The following UTP18 variants were observed in gnomAD, a reference collection of about 807,000 sequenced individuals.
UTP18 encodes the protein UTP18 small subunit processome component, also known as U3 small nucleolar RNA-associated protein 18 homolog.
Under a neutral mutation model 61.1 loss-of-function variants are expected in UTP18, and 36 were observed. The observed-to-expected ratio is 0.59, with a 90% CI of 0.45 to 0.78. The LOEUF (loss-of-function observed/expected upper bound fraction) is 0.78, where lower values mean the gene tolerates loss of function less well. UTP18 is among the 30% of genes least tolerant of loss of function. The probability of loss-of-function intolerance (pLI) is 0.00; values close to 1 mark genes in which losing one functional copy is unlikely to be tolerated. For missense variants in UTP18, 753 were observed against 693.9 expected (o/e 1.09, Z -0.96); for synonymous variants, 282 against 251.1 (o/e 1.12, Z -1.16).
chr17:51,265,342 C>T (rs2055549663), intron 2 of UTP18, among the ~76,000 whole-genome samples: 1 of 151,194 alleles, frequency 6.6e-6, no homozygotes, highest in African/African-American at 2.4e-5. Context: ...TGGCTCACTG[C>T]AGCTTCTGCT....
intron 4 of UTP18, 57 bp downstream of exon 4, chr17:51,268,961 T>C: frequency 1.7e-5 from 26 of 1,537,238 alleles, no homozygotes; most frequent in South Asian, 4.5e-5. Flanking sequence ...CTGTTCGTTA[T>C]TATTTGAGCT....
chr17:51,267,294 G>T (rs535608153), intron 3 of UTP18, among the ~76,000 whole-genome samples: 25 of 152,216 alleles, frequency 1.6e-4, no homozygotes, highest in African/African-American at 4.8e-4. Context: ...CAGACCTGTT[G>T]TCTTGTAGAA....
At chr17:51,294,598 A>G (rs1261261026) in intron 12 of UTP18, among the ~76,000 whole-genome samples, 1 of 152,040 alleles carries the variant, frequency 6.6e-6, no homozygotes, top group Admixed American at 6.6e-5. Flanking sequence ...CCAGTCTATC[A>G]TTGTTGGACA....
intron 10 of UTP18, among the ~76,000 whole-genome samples, chr17:51,286,136 A>G (rs1007685128): frequency 9.8e-5 from 15 of 152,314 alleles, no homozygotes; most frequent in African/African-American, 3.6e-4. Context: ...TATTGTAGAA[A>G]CTTTAAAAAT....
chr17:51,284,892 C>T (rs1292677857), intron 9 of UTP18, among the ~76,000 whole-genome samples: 1 of 151,988 alleles, frequency 6.6e-6, no homozygotes, highest in East Asian at 1.9e-4. Flanking sequence ...GAAACCCTGT[C>T]TCTACTAAAA....
chr17:51,280,505 A>G (rs769572381), intron 9 of UTP18, 26 bp downstream of exon 9: 13 of 1,610,492 alleles, frequency 8.1e-6, no homozygotes, highest in Non-Finnish European at 1.0e-5. Context: ...GAAAGAAGCT[A>G]AGGATATTTT....
At chr17:51,263,747 A>G (rs1241980741) in intron 2 of UTP18, among the ~76,000 whole-genome samples, 1 of 152,238 alleles carries the variant, frequency 6.6e-6, no homozygotes, top group Non-Finnish European at 1.5e-5. Flanking sequence ...CTACATCAGA[A>G]TTTTGTTGGG....
At chr17:51,284,916 C>G (rs1336152145) in intron 9 of UTP18, among the ~76,000 whole-genome samples, 1 of 152,042 alleles carries the variant, frequency 6.6e-6, no homozygotes, top group Non-Finnish European at 1.5e-5. Context: ...CAAAAATTAA[C>G]TACGCATGGT....
chr17:51,268,996 G>A, intron 4 of UTP18, 92 bp downstream of exon 4: 1 of 1,336,712 alleles, frequency 7.5e-7, no homozygotes, highest in Non-Finnish European at 1.0e-6. Flanking sequence ...ATTAAAACCT[G>A]GCATTTCTTG....
intron 3 of UTP18, among the ~76,000 whole-genome samples, chr17:51,267,682 C>T (rs117896554): frequency 0.023 from 3,464 of 152,210 alleles, 57 homozygotes; most frequent in Middle Eastern, 0.044. Flanking sequence ...GTGTACCAGA[C>T]ACTGCCCCTC....
In UTP18 at chr17:51,277,049, C is replaced by G. The variant is rs1035199444; in HGVS notation, c.838-81C>G. The stretch of plus-strand genomic sequence containing the variant: ...CCTTGGATATGTATTTTTAAATGAA[C>G]ACTTGTAGTGAAAAGTATATACTAC... On this transcript the variant is annotated intron_variant, in intron 6 of 13. Transcript: ENST00000225298. 16 of 1,419,362 alleles carry G rather than the reference C, an allele frequency of 1.1e-5. No individual in the cohort carries two copies. The Admixed American group carries it at 3.3e-4, about 30-fold the overall frequency. 87.9% of individuals were successfully genotyped at this position (1,419,362 alleles called of 1,614,324 possible).
chr17:51,297,132 G>A (rs1470489016), intron 13 of UTP18, 129 bp downstream of exon 13: 2 of 769,342 alleles, frequency 2.6e-6, no homozygotes, highest in Non-Finnish European at 4.0e-6. Context: ...TATTTAGAGG[G>A]GTGGGTTGGA....
chr17:51,292,138 T>A (rs1433166620), intron 11 of UTP18, among the ~76,000 whole-genome samples: 2 of 152,228 alleles, frequency 1.3e-5, no homozygotes, highest in African/African-American at 4.8e-5. Flanking sequence ...AATTTTGCAA[T>A]ATCCATGTTG....
chr17:51,274,188 C>G (rs1170894094), intron 5 of UTP18, among the ~76,000 whole-genome samples: 1 of 152,154 alleles, frequency 6.6e-6, no homozygotes, highest in East Asian at 1.9e-4. Flanking sequence ...TTCTGCCTGC[C>G]TTGTCTTCAG....
In UTP18 at chr17:51,273,324, GAT is replaced by G. The variant is rs749716248; in HGVS notation, c.623-37_623-36del. On this transcript the variant is annotated intron_variant, in intron 4 of 13. Transcript: ENST00000225298. ...GGGTAGGTAAAAGGGGCAGCTCATTGATTCTAAAGATCAGCCTTCTGGGTTTG... is the reference window on the plus strand; with the variant it reads ...GGGTAGGTAAAAGGGGCAGCTCATTGTCTAAAGATCAGCCTTCTGGGTTTG... The G allele has an allele frequency of 1.0e-5, 16 of 1,526,096 alleles. No individual in the cohort carries two copies. In the South Asian group the frequency reaches 1.9e-4, roughly 19 times the overall value. 94.5% of individuals were successfully genotyped at this position (1,526,096 alleles called of 1,614,324 possible). A position where few individuals can be genotyped will look rare whatever the true frequency, so the allele number is the denominator to read the frequency against.
intron 3 of UTP18, among the ~76,000 whole-genome samples, chr17:51,267,548 A>G (rs1398207375): frequency 1.3e-5 from 2 of 150,560 alleles, no homozygotes; most frequent in Non-Finnish European, 2.9e-5. Flanking sequence ...CTCTTCCCTC[A>G]ATCTGATTAT....
intron 5 of UTP18, among the ~76,000 whole-genome samples, chr17:51,274,434 T>G (rs1028237422): frequency 2.6e-5 from 4 of 152,152 alleles, no homozygotes; most frequent in Admixed American, 6.5e-5. Flanking sequence ...GACATAGATA[T>G]CTTTTGTTTG....
Position 51,260,897 on chromosome 17 carries a change from G to A in UTP18, c.313G>A (p.Ala105Thr). The change falls in exon 1 of 14, where the codon GCG becomes ACG. Residue 105 changes from alanine to threonine, a missense_variant. Transcript: ENST00000225298. Reference sequence around the variant, plus strand: ...CGGCGACGTCGAGAACGACGAGGACGCGTTGCTGCGGCGTCTGCGAGGCCC... The same window carrying A: ...CGGCGACGTCGAGAACGACGAGGACACGTTGCTGCGGCGTCTGCGAGGCCC... ...VFGDVENDEDALLRRLRGPRV... is the reference protein window; with the variant it reads ...VFGDVENDEDTLLRRLRGPRV... The A allele has an allele frequency of 6.3e-7, 1 of 1,595,584 alleles. No homozygotes were observed. Among genetic ancestry groups the A allele is most frequent in the Non-Finnish European group, 8.5e-7 (1 of 1,172,358 alleles).
intron 9 of UTP18, among the ~76,000 whole-genome samples, chr17:51,280,856 G>A (rs921167610): frequency 3.3e-5 from 5 of 151,148 alleles, no homozygotes; most frequent in Non-Finnish European, 5.9e-5. Context: ...GGGCGACAGA[G>A]CAAGACTCTG....
Sources: allele counts gnomAD v4.1 joint callset (sites outside exome capture counted in the v4.1 genomes callset), GRCh38; gene constraint gnomAD v4.1.1; transcripts MANE v1.5; gene names NCBI Gene and HGNC (gene_info 2026-07-23, HGNC 2026-07-21).